FARP1: variants seen among roughly 807,000 people sequenced by gnomAD.
FARP1 encodes FERM, ARHGEF and pleckstrin domain-containing protein 1.
A neutral mutation model predicts 128.8 loss-of-function variants in FARP1; 52 were observed. The ratio of observed to expected loss-of-function variants is 0.40; its 90% CI spans 0.32 to 0.51. FARP1 has a LOEUF of 0.51. Among genes scored for constraint, FARP1 ranks in the 20% least tolerant of loss-of-function variants. FARP1 has a pLI of 0.45. For synonymous variants in FARP1, 580 were observed against 551.8 expected (o/e 1.05, Z -0.72); for missense variants, 1,333 against 1,367.9 (o/e 0.97, Z 0.40).
chr13:98,350,197 A>T (rs1458061222), intron 3 of FARP1, among the ~76,000 whole-genome samples: 1 of 152,166 alleles, frequency 6.6e-6, no homozygotes, highest in Non-Finnish European at 1.5e-5. Flanking sequence ...AGCTCCCCTC[A>T]AGCAGAGAGT....
At chr13:98,217,655 C>G (rs1566754906) in intron 2 of FARP1, among the ~76,000 whole-genome samples, 1 of 152,184 alleles carries the variant, frequency 6.6e-6, no homozygotes, top group Admixed American at 6.5e-5. Flanking sequence ...GGTGCCTGGG[C>G]AACTCCCATG....
At chr13:98,163,698 T>G (rs994458072) in intron 1 of FARP1, among the ~76,000 whole-genome samples, 1 of 143,442 alleles carries the variant, frequency 7.0e-6, no homozygotes, top group Non-Finnish European at 1.5e-5. Context: ...TAAATTAAAC[T>G]TAGCATGGCC....
chr13:98,358,659 T>G (rs1888736243), intron 3 of FARP1, among the ~76,000 whole-genome samples: 2 of 152,270 alleles, frequency 1.3e-5, no homozygotes, highest in South Asian at 2.1e-4. Flanking sequence ...CTTTTTTTCT[T>G]TTTTCTCACT....
chr13:98,254,569 C>A (rs1883494778), intron 2 of FARP1, among the ~76,000 whole-genome samples: 1 of 152,176 alleles, frequency 6.6e-6, no homozygotes, highest in African/African-American at 2.4e-5. Flanking sequence ...GAAGTGTATC[C>A]TTCTGCCTGT....
intron 5 of FARP1, 134 bp from the exon 6 acceptor site, chr13:98,377,687 T>C: frequency 3.1e-6 from 2 of 637,596 alleles, no homozygotes; most frequent in Non-Finnish European, 5.6e-6. Flanking sequence ...GAATGGCAGC[T>C]GGAATCCGTT....
chr13:98,184,008 C>A (rs1878698418), intron 1 of FARP1, among the ~76,000 whole-genome samples: 1 of 152,160 alleles, frequency 6.6e-6, no homozygotes, highest in Non-Finnish European at 1.5e-5. Flanking sequence ...TTAAAAATGA[C>A]ATCCACATGG....
At chr13:98,314,512 T>A (rs1886639633) in intron 2 of FARP1, among the ~76,000 whole-genome samples, 1 of 152,012 alleles carries the variant, frequency 6.6e-6, no homozygotes, top group Non-Finnish European at 1.5e-5. Context: ...TCTCTTGACC[T>A]CATGATCTGC....
At chr13:98,367,921 T>G (rs1889167842) in intron 4 of FARP1, among the ~76,000 whole-genome samples, 196 bp from the exon 5 acceptor site, 1 of 152,144 alleles carries the variant, frequency 6.6e-6, no homozygotes, top group South Asian at 2.1e-4. Context: ...TAAAAATGGA[T>G]CTCTCTTTCC....
intron 5 of FARP1, among the ~76,000 whole-genome samples, chr13:98,377,306 A>G (rs1312069881): frequency 6.6e-6 from 1 of 151,878 alleles, no homozygotes; most frequent in African/African-American, 2.4e-5. Flanking sequence ...GTCTCAAAAA[A>G]AAAAAAAAGA....
chr13:98,231,298 G>T (rs1882098550), intron 2 of FARP1, among the ~76,000 whole-genome samples: 1 of 150,304 alleles, frequency 6.7e-6, no homozygotes, highest in African/African-American at 2.5e-5. Flanking sequence ...GAGAACAGAG[G>T]ATGTAAAAAA....
intron 2 of FARP1, among the ~76,000 whole-genome samples, chr13:98,219,743 G>A (rs1881301948): frequency 6.6e-6 from 1 of 152,152 alleles, no homozygotes; most frequent in African/African-American, 2.4e-5. Context: ...TTGGCTCACT[G>A]CCGCCTTGAC....
chr13:98,222,688 C>A (rs1881488812), intron 2 of FARP1, among the ~76,000 whole-genome samples: 1 of 151,326 alleles, frequency 6.6e-6, no homozygotes, highest in African/African-American at 2.4e-5. Context: ...GTGGAATGAT[C>A]TCCGCTCACT....
chr13:98,173,746 TA>T (rs1297291444), intron 1 of FARP1, among the ~76,000 whole-genome samples: 2 of 152,148 alleles, frequency 1.3e-5, no homozygotes, highest in African/African-American at 4.8e-5. Context: ...ACCGGAAAGA[TA>T]GGGGTTGGGG....
At chr13:98,333,866 C>T (rs1167291497) in intron 2 of FARP1, 2 of 151,902 alleles carry the variant, frequency 1.3e-5, no homozygotes, top group Non-Finnish European at 2.9e-5. Context: ...TGTCGGTGGT[C>T]GCAGTTTCCT....
chr13:98,155,343 C>CAAA lies in FARP1; in HGVS notation c.-24+11873_-24+11875dup, dbSNP rs67425847. Among the ~76,000 whole-genome samples, 70 of 64,500 alleles carry CAAA rather than the reference C, an allele frequency of 1.1e-3. 1 individual carries two copies. Among genetic ancestry groups the CAAA allele is most frequent in the East Asian group, 6.5e-3 (14 of 2,168 alleles). The allele number at this position is 64,500 out of a possible 152,430, so 42.3% of individuals were successfully genotyped here. A position where few individuals can be genotyped will look rare whatever the true frequency, so the allele number is the denominator to read the frequency against. ...CTGGGTAACGAGCGAAACTCTGTCT[C>CAAA]AAAAAAAAAAAAAAAAAAAAAAAAG... On this transcript the variant is annotated intron_variant, in intron 1 of 26. Transcript: ENST00000319562.
chr13:98,284,508 A>C (rs1347736112), intron 2 of FARP1, among the ~76,000 whole-genome samples: 1 of 152,228 alleles, frequency 6.6e-6, no homozygotes, highest in Non-Finnish European at 1.5e-5. Flanking sequence ...TAAGTGGCTA[A>C]ACTGGCTTCA....
intron 1 of FARP1, among the ~76,000 whole-genome samples, chr13:98,155,337 C>A (rs2139110195): frequency 1.0e-5 from 1 of 98,378 alleles, no homozygotes; most frequent in East Asian, 3.2e-4. Flanking sequence ...GAGCGAAACT[C>A]TGTCTCAAAA....
At chr13:98,202,242 C>T (rs1037504534) in intron 1 of FARP1, among the ~76,000 whole-genome samples, 36 of 152,314 alleles carry the variant, frequency 2.4e-4, no homozygotes, top group African/African-American at 8.7e-4. Flanking sequence ...CTCATAAGAG[C>T]AGAGCCAGAT....
At chr13:98,202,426 C>G (rs1566735015) in intron 1 of FARP1, among the ~76,000 whole-genome samples, 2 of 152,264 alleles carry the variant, frequency 1.3e-5, no homozygotes, top group Admixed American at 6.5e-5. Context: ...TGGCTTCCTG[C>G]AGCTCTGCCA....
Sources: gnomAD v4.1 joint callset for allele counts (sites outside exome capture counted in the v4.1 genomes callset) on GRCh38, gnomAD v4.1.1 for gene constraint, MANE v1.5 for transcripts, NCBI Gene and HGNC (gene_info 2026-07-23, HGNC 2026-07-21) for gene names.